Variants in ADCY4 observed in about 807,000 individuals in gnomAD.
ADCY4 encodes the protein adenylate cyclase 4.
A neutral mutation model predicts 125.5 loss-of-function variants in ADCY4; 111 were observed. That is an observed-to-expected ratio of 0.88 (90% confidence interval 0.76 to 1.04). The LOEUF (loss-of-function observed/expected upper bound fraction) is 1.04. Ranked by LOEUF, ADCY4 falls within the 50% of genes least tolerant of loss-of-function variation. The pLI, the probability that ADCY4 is intolerant of heterozygous loss-of-function variation, is 0.00. For missense variants in ADCY4, 1,256 were observed against 1,382.9 expected (o/e 0.91, Z 1.46); for synonymous variants, 576 against 586.9 (o/e 0.98, Z 0.27).
Position 24,319,512 on chromosome 14 carries a change from C to G in ADCY4, c.2734-76G>C, listed in dbSNP as rs935204884. The G allele has an allele frequency of 6.8e-7, 1 of 1,479,078 alleles. No homozygotes were observed. Among genetic ancestry groups the G allele is most frequent in the Non-Finnish European group, 9.4e-7 (1 of 1,064,770 alleles). The allele number at this position is 1,479,078 out of a possible 1,614,324, so 91.6% of individuals were successfully genotyped here. On this transcript the variant is annotated intron_variant, in intron 21 of 24. Coordinates refer to ENST00000418030, the MANE Select transcript of ADCY4 (RefSeq NM_001198568.2). This position sits in a 1 kb window ranked among gnomAD's most constrained non-coding sequence, Gnocchi z 4.5. The stretch of plus-strand genomic sequence containing the variant: ...CCTCTCCCAGAAGCCCAGCCCCAAG[C>G]CTTTGGAGTTAAAGGATCAGGCTGT...
chr14:24,328,379 C>T (rs1300515237), intron 10 of ADCY4, among the ~76,000 whole-genome samples: 1 of 152,210 alleles, frequency 6.6e-6, no homozygotes, highest in Non-Finnish European at 1.5e-5. Flanking sequence ...AGTGGTCACG[C>T]TCCTAGTCCA....
Position 24,323,008 on chromosome 14 carries a change from C to A in ADCY4, c.2238G>T (p.Leu746=), listed in dbSNP as rs1459978043. The A allele has an allele frequency of 1.2e-6, 2 of 1,613,960 alleles. No homozygotes were observed. Among genetic ancestry groups the A allele is most frequent in the African/African-American group, 1.3e-5 (1 of 74,894 alleles). ...LHMSFELKLL[L]LLLWLAASCS... ...AGGATGCCGCCAGCCACAGCAGGAG[C>A]AGCAGCAGCTTCAGCTCGAAGCTCA... The change falls in exon 18 of 25, where the codon CTG becomes CTT. Residue 746 remains leucine (L), a synonymous_variant. Coordinates refer to ENST00000418030, the MANE Select transcript of ADCY4 (RefSeq NM_001198568.2).
chr14:24,328,932 G>A (rs905365423), intron 10 of ADCY4, 129 bp downstream of exon 10: 130 of 1,225,474 alleles, frequency 1.1e-4, no homozygotes, highest in Admixed American at 4.2e-4. Flanking sequence ...GACAGTTCGG[G>A]ACTTTGGGAT....
chr14:24,323,264 G>T, intron 17 of ADCY4, 80 bp downstream of exon 17: 1 of 1,428,054 alleles, frequency 7.0e-7, no homozygotes, highest in Non-Finnish European at 9.7e-7. Flanking sequence ...AGAATGGAGC[G>T]TTCCTCCACT....
intron 18 of ADCY4, 39 bp downstream of exon 18, chr14:24,322,865 C>T: frequency 6.4e-7 from 1 of 1,558,058 alleles, no homozygotes; most frequent in Non-Finnish European, 8.7e-7. Flanking sequence ...TCACCCCATC[C>T]CAGGGGGCCC....
chr14:24,331,358 T>C lies in ADCY4; in HGVS notation c.670-2A>G. 6.2e-7 allele frequency: 1 copy of C among 1,613,690 alleles called. No individual in the cohort carries two copies. The highest frequency in any genetic ancestry group is 8.5e-7 in the Non-Finnish European group (1 of 1,179,992). On this transcript the variant is annotated splice_acceptor_variant, in intron 4 of 24. Transcript: ENST00000418030. LOFTEE classifies it high-confidence loss of function. Reference sequence around the variant, plus strand: ...AAGGATGGACAAGAGAAGGTGTTCCTGGAAGAGGTCACCATGAACACCAAC... The same window carrying C: ...AAGGATGGACAAGAGAAGGTGTTCCCGGAAGAGGTCACCATGAACACCAAC...
rs1234359220 is a variant in ADCY4, at chr14:24,332,942, A to T, written c.206T>A (p.Leu69Gln). ...GCCCAGCAGCAGCGAGAAGCCGCCC[A>T]GCGCGCACAGCACAGTGGTCAGGAA... ...PSFLTTVLCA[L>Q]GGFSLLLGLA... is the part of the protein sequence containing the mutation. Residue 69 changes from leucine to glutamine, a missense_variant, in exon 2 of 25, where the codon CTG becomes CAG. Leu to Gln is a moderately radical substitution (Grantham distance 113). Transcript: ENST00000418030. The T allele has an allele frequency of 1.5e-5, 24 of 1,592,274 alleles. No individual in the cohort carries two copies. Among genetic ancestry groups the T allele is most frequent in the Non-Finnish European group, 2.0e-5 (23 of 1,167,946 alleles).
intron 7 of ADCY4, 63 bp from the exon 8 acceptor site, chr14:24,330,081 A>T (rs1109153): frequency 0.29 from 469,729 of 1,597,214 alleles, 70,992 homozygotes; most frequent in Admixed American, 0.44. Context: ...GAGACACCCC[A>T]GATTCTCACA....
chr14:24,328,070 G>A (rs1199447779), intron 10 of ADCY4, among the ~76,000 whole-genome samples: 4 of 152,190 alleles, frequency 2.6e-5, no homozygotes, highest in Admixed American at 6.5e-5. Flanking sequence ...ACAGGAGTGC[G>A]AGCCTTCTGT....
Position 24,332,520 on chromosome 14 carries a change from ACCTG to A in ADCY4, c.517_519+1del. 1 of 1,562,476 alleles carries A rather than the reference ACCTG, an allele frequency of 6.4e-7. No individual in the cohort carries two copies. The highest frequency in any genetic ancestry group is 8.7e-7 in the Non-Finnish European group (1 of 1,153,498). On this transcript the variant is annotated splice_donor_variant and coding_sequence_variant, in exon 3 of 25. Transcript: ENST00000418030. LOFTEE classifies it high-confidence loss of function. ...CGCAGCCTGTGCTACTTGCGTGCTC[ACCTG>A]CGGCAGCAGTGCAGGCCGTGAGTCC...
chr14:24,332,440 C>T, intron 3 of ADCY4, 82 bp downstream of exon 3: 1 of 1,458,372 alleles, frequency 6.9e-7, no homozygotes, highest in Non-Finnish European at 9.2e-7. Context: ...CTTGGAGTCA[C>T]AGCTCAACAA....
intron 10 of ADCY4, chr14:24,326,632 T>TCAC: frequency 3.0e-6 from 1 of 333,510 alleles, no homozygotes; most frequent in Non-Finnish European, 5.7e-6. Context: ...TCTTGCTCTG[T>TCAC]CACCAGGCTG....
chr14:24,319,459 T>A lies in ADCY4; in HGVS notation c.2734-23A>T. 6.2e-7 allele frequency: 1 copy of A among 1,605,954 alleles called. No homozygotes were observed. The highest frequency in any genetic ancestry group is 8.5e-7 in the Non-Finnish European group (1 of 1,172,656). ...CAGCTGTATATAGAGAAGAGTCCTGTCCCCAGTCTCTCTTACTCTCTCCAT... is the reference window on the plus strand; with the variant it reads ...CAGCTGTATATAGAGAAGAGTCCTGACCCCAGTCTCTCTTACTCTCTCCAT... On this transcript the variant is annotated intron_variant, in intron 21 of 24. Transcript: ENST00000418030. This position sits in a 1 kb window ranked among gnomAD's most constrained non-coding sequence, Gnocchi z 4.5.
intron 16 of ADCY4, chr14:24,323,822 AT>A (rs1436084193): frequency 9.8e-6 from 4 of 409,348 alleles, no homozygotes; most frequent in Non-Finnish European, 1.3e-5. Context: ...GATCTAAGTA[AT>A]AAGTAACTGC....
intron 19 of ADCY4, 100 bp downstream of exon 19, chr14:24,322,524 C>T: frequency 7.7e-7 from 1 of 1,298,324 alleles, no homozygotes; most frequent in East Asian, 2.4e-5. Flanking sequence ...CGCTTAGAAG[C>T]TTCCAATGGG....
intron 10 of ADCY4, among the ~76,000 whole-genome samples, chr14:24,327,122 A>G (rs2041961057): frequency 6.6e-6 from 1 of 151,512 alleles, no homozygotes; most frequent in South Asian, 2.1e-4. Flanking sequence ...GTCTCAAACT[A>G]CTGACCTCAA....
intron 6 of ADCY4, chr14:24,330,565 C>G: frequency 2.4e-6 from 1 of 421,120 alleles, no homozygotes; most frequent in Non-Finnish European, 4.3e-6. Context: ...GAGTTGAGTA[C>G]GTGGTAGTGG....
chr14:24,322,083 G>A lies in ADCY4; in HGVS notation c.2569C>T (p.Gln857Ter), dbSNP rs1566431893. The part of the protein sequence containing the change: ...PAHVAPQFIG[Q>*]NRRNEDLYHQ... ...GGAGTCACCTCGTTGCGCCGGTTCTGGCCAATGAACTGGGGGGCCACGTGT... is the reference window on the plus strand; with the variant it reads ...GGAGTCACCTCGTTGCGCCGGTTCTAGCCAATGAACTGGGGGGCCACGTGT... Residue 857 changes from glutamine to a stop codon, truncating the protein, a stop_gained, in exon 20 of 25, where the codon CAG becomes TAG. Coordinates refer to ENST00000418030, the MANE Select transcript of ADCY4 (RefSeq NM_001198568.2). LOFTEE classifies it high-confidence loss of function. The A allele has an allele frequency of 6.2e-7, 1 of 1,613,634 alleles. No individual in the cohort carries two copies. The highest frequency in any genetic ancestry group is 8.5e-7 in the Non-Finnish European group (1 of 1,179,586).
At position 24,319,172 on chromosome 14, in the gene ADCY4, T is replaced by C; in HGVS notation, c.2882A>G (p.Glu961Gly). The change falls in exon 23 of 25, where the codon GAA (glutamate) becomes GGA (glycine). Residue 961 changes from glutamate to glycine, a missense_variant. Transcript: ENST00000418030. This position sits in a 1 kb window ranked among gnomAD's most constrained non-coding sequence, Gnocchi z 4.5. ...RSCSHLGTMVEFAVALGSKLD... is the reference protein window; with the variant it reads ...RSCSHLGTMVGFAVALGSKLD... ...CTTAGACCCCAGGGCCACGGCAAAT[T>C]CCACCATAGTGCCAAGGTGGCTGCA... 6.2e-7 allele frequency: 1 copy of C among 1,614,000 alleles called. No homozygotes were observed. The highest frequency in any genetic ancestry group is 8.5e-7 in the Non-Finnish European group (1 of 1,180,006).
Sources: allele counts gnomAD v4.1 joint callset (sites outside exome capture counted in the v4.1 genomes callset), GRCh38; gene constraint gnomAD v4.1.1; non-coding constraint Gnocchi (gnomAD v3.1); transcripts MANE v1.5; gene names NCBI Gene and HGNC (gene_info 2026-07-23, HGNC 2026-07-21).